PRKG1: variants seen among roughly 807,000 people sequenced by gnomAD.
PRKG1 encodes protein kinase cGMP-dependent 1.
Under a neutral mutation model 88.1 loss-of-function variants are expected in PRKG1, and 35 were observed. That is an observed-to-expected ratio of 0.40 (90% CI 0.30 to 0.53). The LOEUF is 0.53. PRKG1 is among the 20% of genes least tolerant of loss of function. PRKG1 has a pLI of 0.59. For synonymous variants in PRKG1, 303 were observed against 292.5 expected (o/e 1.04, Z -0.37); for missense variants, 540 against 839.8 (o/e 0.64, Z 4.41).
intron 5 of PRKG1, among the ~76,000 whole-genome samples, chr10:51,980,521 T>G (rs1265040443): frequency 6.6e-6 from 1 of 152,120 alleles, no homozygotes; most frequent in East Asian, 1.9e-4. Context: ...CTGAGTTCAG[T>G]TCTTCAATAT....
chr10:51,433,912 T>A (rs1244539691), intron 2 of PRKG1, among the ~76,000 whole-genome samples: 3 of 152,104 alleles, frequency 2.0e-5, no homozygotes, highest in Admixed American at 2.0e-4. Flanking sequence ...ATCATTTCTC[T>A]CCATCATCAT....
intron 5 of PRKG1, among the ~76,000 whole-genome samples, chr10:51,975,446 TAA>T (rs971014664): frequency 2.0e-5 from 3 of 148,496 alleles, no homozygotes; most frequent in African/African-American, 7.4e-5. Context: ...TTGTGGAAAA[TAA>T]AAAAAAAATG....
chr10:51,646,345 G>C (rs1009346125), intron 3 of PRKG1, among the ~76,000 whole-genome samples: 1 of 152,056 alleles, frequency 6.6e-6, no homozygotes, highest in Non-Finnish European at 1.5e-5. Flanking sequence ...CCTGTTGTAT[G>C]ATAAATATTT....
chr10:51,736,279 CA>C (rs1837277707), intron 3 of PRKG1, among the ~76,000 whole-genome samples: 1 of 151,906 alleles, frequency 6.6e-6, no homozygotes. Context: ...TATTTATTAT[CA>C]TTATTATTTT....
At chr10:52,136,960 C>A (rs967456250) in intron 8 of PRKG1, among the ~76,000 whole-genome samples, 10 of 151,970 alleles carry the variant, frequency 6.6e-5, no homozygotes, top group South Asian at 2.1e-4. Context: ...GGGTTTCTGA[C>A]CAAATGTTGA....
intron 3 of PRKG1, among the ~76,000 whole-genome samples, chr10:51,704,325 G>T (rs1313503482): frequency 2.0e-5 from 3 of 152,058 alleles, no homozygotes; most frequent in Non-Finnish European, 4.4e-5. Flanking sequence ...GCTCAGCACA[G>T]GTGGATGTTC....
At chr10:51,523,977 TC>T (rs1436480368) in intron 3 of PRKG1, among the ~76,000 whole-genome samples, 6 of 152,120 alleles carry the variant, frequency 3.9e-5, no homozygotes, top group Admixed American at 3.9e-4. Context: ...TGGGGGTGCA[TC>T]CTTTATGAAT....
intron 5 of PRKG1, among the ~76,000 whole-genome samples, chr10:52,053,857 C>T (rs1436660327): frequency 3.3e-5 from 5 of 152,142 alleles, no homozygotes; most frequent in Non-Finnish European, 1.5e-5. Context: ...AGCAAGAACA[C>T]TAAAGCATGA....
At chr10:51,592,959 T>C (rs575503103) in intron 3 of PRKG1, among the ~76,000 whole-genome samples, 6 of 152,334 alleles carry the variant, frequency 3.9e-5, no homozygotes, top group African/African-American at 1.2e-4. Context: ...GATGGCTTTG[T>C]TCCTCATTTA....
At chr10:52,048,947 A>C (rs1263195251) in intron 5 of PRKG1, among the ~76,000 whole-genome samples, 1 of 152,146 alleles carries the variant, frequency 6.6e-6, no homozygotes, top group Non-Finnish European at 1.5e-5. Flanking sequence ...GTTCAAACTG[A>C]AGCAATGAAT....
intron 4 of PRKG1, among the ~76,000 whole-genome samples, chr10:51,903,189 C>T (rs1442761814): frequency 6.6e-6 from 1 of 151,804 alleles, no homozygotes; most frequent in Non-Finnish European, 1.5e-5. Context: ...GGAGGGTTGT[C>T]GTAAAATGAG....
Position 51,819,318 on chromosome 10 carries a change from C to T in PRKG1, c.698+14628C>T, listed in dbSNP as rs541519218. Among the ~76,000 whole-genome samples the T allele has an allele frequency of 1.2e-3, 178 of 152,162 alleles. 1 individual carries two copies. The highest frequency in any genetic ancestry group is 4.1e-3 in the African/African-American group (171 of 41,512). On this transcript the variant is annotated intron_variant, in intron 4 of 17. Coordinates refer to ENST00000373980, the MANE Select transcript of PRKG1 (RefSeq NM_006258.4). Reference sequence around the variant, plus strand: ...GAAAACTCACTCACCCTTTTCCCATCCTGCCCAGGGCATTAATCTATTCAT... The same window carrying T: ...GAAAACTCACTCACCCTTTTCCCATTCTGCCCAGGGCATTAATCTATTCAT...
At chr10:51,512,039 G>A (rs1841427186) in intron 3 of PRKG1, among the ~76,000 whole-genome samples, 1 of 152,100 alleles carries the variant, frequency 6.6e-6, no homozygotes, top group African/African-American at 2.4e-5. Flanking sequence ...TATATGTCAT[G>A]TGATTCCATT....
intron 3 of PRKG1, among the ~76,000 whole-genome samples, chr10:51,498,276 C>T (rs779829229): frequency 5.3e-5 from 8 of 152,172 alleles, no homozygotes; most frequent in Non-Finnish European, 8.8e-5. Flanking sequence ...TGAGAAAATA[C>T]GGAAATACTT....
intron 5 of PRKG1, among the ~76,000 whole-genome samples, chr10:51,934,889 G>A (rs1041390446): frequency 6.6e-6 from 1 of 152,132 alleles, no homozygotes; most frequent in Non-Finnish European, 1.5e-5. Flanking sequence ...ATTTCAATCA[G>A]GTATCAAATG....
intron 3 of PRKG1, among the ~76,000 whole-genome samples, chr10:51,772,732 G>GT (rs374868881): frequency 1.4e-4 from 22 of 152,014 alleles, no homozygotes; most frequent in African/African-American, 5.3e-4. Flanking sequence ...ATAACTAATT[G>GT]TTTTAGTGGA....
chr10:51,638,242 A>G (rs77339401), intron 3 of PRKG1, among the ~76,000 whole-genome samples: 23,419 of 152,138 alleles, frequency 0.15, 1,993 homozygotes, highest in Non-Finnish European at 0.2. Context: ...ATTATTTTAG[A>G]TAAGTATACT....
At chr10:51,730,308 T>C (rs1285470239) in intron 3 of PRKG1, among the ~76,000 whole-genome samples, 1 of 152,220 alleles carries the variant, frequency 6.6e-6, no homozygotes, top group Admixed American at 6.5e-5. Flanking sequence ...TGGCTTTTAC[T>C]GTTTAATATG....
intron 9 of PRKG1, among the ~76,000 whole-genome samples, chr10:52,190,294 T>TC (rs1396720632): frequency 6.6e-6 from 1 of 151,970 alleles, no homozygotes; most frequent in Non-Finnish European, 1.5e-5. Context: ...ATGACACAAA[T>TC]CCCAAAGAAT....
Sources: gnomAD v4.1 joint callset for allele counts (sites outside exome capture counted in the v4.1 genomes callset) on GRCh38, gnomAD v4.1.1 for gene constraint, MANE v1.5 for transcripts, NCBI Gene and HGNC (gene_info 2026-07-23, HGNC 2026-07-21) for gene names.